Variants in NEDD4L observed in about 807,000 individuals in gnomAD.
NEDD4L encodes E3 ubiquitin-protein ligase NEDD4-like.
In NEDD4L, 54 loss-of-function variants were observed where a neutral mutation model predicts 148.9. That is an observed-to-expected ratio of 0.36 (90% confidence interval 0.29 to 0.45). The LOEUF is 0.45. NEDD4L is among the 20% of genes least tolerant of loss of function. The probability of loss-of-function intolerance (pLI) is 1.00; values close to 1 mark genes in which losing one functional copy is unlikely to be tolerated. For missense variants in NEDD4L, 856 were observed against 1,233.8 expected (o/e 0.69, Z 4.59); for synonymous variants, 433 against 440.7 (o/e 0.98, Z 0.22).
At chr18:58,332,523 C>T (rs1265140509) in intron 11 of NEDD4L, among the ~76,000 whole-genome samples, 1 of 152,118 alleles carries the variant, frequency 6.6e-6, no homozygotes, top group Non-Finnish European at 1.5e-5. Context: ...TGGGGTGCAC[C>T]TGTAGTTCCA....
intron 1 of NEDD4L, among the ~76,000 whole-genome samples, chr18:58,068,894 T>G (rs973211950): frequency 1.3e-5 from 2 of 152,134 alleles, no homozygotes; most frequent in East Asian, 3.9e-4. Context: ...CCCAGCACTT[T>G]GGGAGGCTGA....
chr18:58,087,448 G>A (rs2083814677), intron 1 of NEDD4L, among the ~76,000 whole-genome samples: 1 of 152,084 alleles, frequency 6.6e-6, no homozygotes, highest in South Asian at 2.1e-4. Context: ...ACGTTCCAAA[G>A]TCACTCACAC....
chr18:58,255,332 A>T, intron 5 of NEDD4L: 2 of 248,310 alleles, frequency 8.1e-6, no homozygotes, highest in Non-Finnish European at 1.5e-5. Flanking sequence ...AAAAAAAAAG[A>T]GCGAGTAGGG....
intron 23 of NEDD4L, chr18:58,372,793 C>T (rs2047050418): frequency 6.0e-6 from 1 of 168,038 alleles, no homozygotes; most frequent in Non-Finnish European, 1.2e-5. Flanking sequence ...CATTGCACTC[C>T]AGCCTGGGTG....
chr18:58,061,030 G>A (rs1288289359), intron 1 of NEDD4L, among the ~76,000 whole-genome samples: 2 of 152,140 alleles, frequency 1.3e-5, no homozygotes, highest in Admixed American at 1.3e-4. Context: ...AAAGTGCTGG[G>A]ATTACAGGCG....
Position 58,301,990 on chromosome 18 carries a change from G to A in NEDD4L, c.298-13992G>A, listed in dbSNP as rs76421795. Among the ~76,000 whole-genome samples, 425 of 152,258 alleles carry A rather than the reference G, an allele frequency of 2.8e-3. 1 individual carries two copies. Among genetic ancestry groups the A allele is most frequent in the African/African-American group, 9.0e-3 (376 of 41,550 alleles). ...TGTTGCCCCTGCCCCGGTGATAGGGGGATTCACTAAGAACTTCAGCATAGT... is the reference window on the plus strand; with the variant it reads ...TGTTGCCCCTGCCCCGGTGATAGGGAGATTCACTAAGAACTTCAGCATAGT... On this transcript the variant is annotated intron_variant, in intron 5 of 30. Coordinates refer to ENST00000400345, the MANE Select transcript of NEDD4L (RefSeq NM_001144967.3).
At chr18:58,204,146 G>T (rs1282134739) in intron 2 of NEDD4L, among the ~76,000 whole-genome samples, 2 of 152,168 alleles carry the variant, frequency 1.3e-5, no homozygotes, top group African/African-American at 4.8e-5. Context: ...GGCCAACATG[G>T]TGAGACCCCC....
intron 1 of NEDD4L, among the ~76,000 whole-genome samples, chr18:58,158,106 C>T (rs1449025828): frequency 6.6e-6 from 1 of 152,192 alleles, no homozygotes; most frequent in African/African-American, 2.4e-5. Flanking sequence ...AGGCTGCTGT[C>T]ATCTGAAGGC....
At chr18:58,093,769 C>G (rs1024646944) in intron 1 of NEDD4L, among the ~76,000 whole-genome samples, 5 of 152,188 alleles carry the variant, frequency 3.3e-5, no homozygotes, top group Non-Finnish European at 5.9e-5. Flanking sequence ...ATCATAAATA[C>G]TTTATTCCAC....
intron 19 of NEDD4L, among the ~76,000 whole-genome samples, chr18:58,358,332 C>G (rs2145855555): frequency 6.6e-6 from 1 of 152,256 alleles, no homozygotes; most frequent in South Asian, 2.1e-4. Context: ...ACTTTTTTCT[C>G]TATGCGGCTT....
intron 3 of NEDD4L, among the ~76,000 whole-genome samples, chr18:58,247,067 C>A (rs1255122697): frequency 6.6e-6 from 1 of 152,008 alleles, no homozygotes; most frequent in Non-Finnish European, 1.5e-5. Flanking sequence ...AAAACAAACC[C>A]CTTTCATCTG....
At chr18:58,129,601 G>A (rs1025130147) in intron 1 of NEDD4L, among the ~76,000 whole-genome samples, 1 of 152,210 alleles carries the variant, frequency 6.6e-6, no homozygotes, top group Non-Finnish European at 1.5e-5. Context: ...ATTTCATTAA[G>A]CTGTGTGTTC....
chr18:58,255,556 A>C (rs1487172047), intron 5 of NEDD4L: 1 of 1,231,080 alleles, frequency 8.1e-7, no homozygotes, highest in Non-Finnish European at 1.0e-6. Context: ...TTTTTCTTGG[A>C]ATTTGTGTCT....
chr18:58,059,899 TTAAAA>T (rs570655886), intron 1 of NEDD4L, among the ~76,000 whole-genome samples: 325 of 152,292 alleles, frequency 2.1e-3, no homozygotes, highest in African/African-American at 7.6e-3. Flanking sequence ...TTTTCATCAA[TTAAAA>T]TAAACATTTA....
chr18:58,088,268 A>G (rs1259263271), intron 1 of NEDD4L, among the ~76,000 whole-genome samples: 1 of 152,232 alleles, frequency 6.6e-6, no homozygotes, highest in African/African-American at 2.4e-5. Flanking sequence ...GTTACACGTC[A>G]GCATTATTCA....
chr18:58,169,509 GA>G (rs888957316), intron 2 of NEDD4L, among the ~76,000 whole-genome samples: 9 of 147,476 alleles, frequency 6.1e-5, no homozygotes, highest in East Asian at 2.0e-4. Flanking sequence ...ATATCATGGG[GA>G]AAAAAAAATG....
At chr18:58,167,324 C>T (rs189970175) in intron 2 of NEDD4L, among the ~76,000 whole-genome samples, 1 of 152,178 alleles carries the variant, frequency 6.6e-6, no homozygotes, top group Non-Finnish European at 1.5e-5. Context: ...GCAGAAGGAT[C>T]CCTGCTTCCC....
rs760793783 is a variant in NEDD4L at position 58,330,802 on chromosome 18, C to T, written c.878C>T (p.Pro293Leu). The T allele has an allele frequency of 6.2e-7, 1 of 1,613,776 alleles. No individual in the cohort carries two copies. Among genetic ancestry groups the T allele is most frequent in the Non-Finnish European group, 8.5e-7 (1 of 1,179,774 alleles). Residue 293 changes from proline to leucine, a missense_variant, in exon 11 of 31, where the codon CCA becomes CTA. By Grantham distance (98) the Pro-to-Leu change is moderately conservative (BLOSUM62 -3). Coordinates refer to ENST00000400345, the MANE Select transcript of NEDD4L (RefSeq NM_001144967.3). ...AGDSLGLALP[P>L]PPASPGSRTS... ...GACTCTCTCGGTCTGGCTCTGCCCC[C>T]ACCACCGGCCTCCCCAGGATCTCGG...
chr18:58,134,948 G>A (rs1365605425), intron 1 of NEDD4L, among the ~76,000 whole-genome samples: 2 of 152,008 alleles, frequency 1.3e-5, no homozygotes, highest in African/African-American at 2.4e-5. Flanking sequence ...CAGGTTTAAG[G>A]TCAATGGAAA....
Sources: gnomAD v4.1 joint callset for allele counts (sites outside exome capture counted in the v4.1 genomes callset) on GRCh38, gnomAD v4.1.1 for gene constraint, MANE v1.5 for transcripts, NCBI Gene and HGNC (gene_info 2026-07-23, HGNC 2026-07-21) for gene names.